The following PELP1 variants were observed in gnomAD, a reference collection of about 807,000 sequenced individuals.
PELP1 encodes the protein proline, glutamate and leucine rich protein 1.
In PELP1, 32 loss-of-function variants were observed where a neutral mutation model predicts 95.5. The observed-to-expected ratio is 0.34, with a 90% CI of 0.25 to 0.45. The LOEUF (loss-of-function observed/expected upper bound fraction) is 0.45. Ranked by LOEUF, PELP1 falls within the 20% of genes least tolerant of loss-of-function variation. The pLI is 1.00. For synonymous variants in PELP1, 668 were observed against 600.1 expected (o/e 1.11, Z -1.65); for missense variants, 1,358 against 1,444.8 (o/e 0.94, Z 0.97).
chr17:4,690,504 T>C (rs1913061787), intron 3 of PELP1, among the ~76,000 whole-genome samples: 2 of 152,110 alleles, frequency 1.3e-5, no homozygotes, highest in South Asian at 4.2e-4. Context: ...GGCGGATCAC[T>C]TGAAGTCAGG....
chr17:4,671,956 G>C lies in PELP1; in HGVS notation c.3035C>G (p.Pro1012Arg), dbSNP rs1340052425. The C allele has an allele frequency of 6.5e-7, 1 of 1,534,506 alleles. No homozygotes were observed. The highest frequency in any genetic ancestry group is 2.3e-5 in the East Asian group (1 of 44,418). ...EPGLLLEVEE[P>R]GTEEERGADT... is the part of the protein sequence containing the mutation. ...AGCCCCACGCTCCTCCTCCGTCCCTGGCTCCTCCACTTCCAAAAGCAGCCC... is the reference window on the plus strand; with the variant it reads ...AGCCCCACGCTCCTCCTCCGTCCCTCGCTCCTCCACTTCCAAAAGCAGCCC... Residue 1012 changes from proline to arginine, a missense_variant, in exon 16 of 17, where the codon CCA becomes CGA. Coordinates refer to ENST00000572293, the MANE Select transcript of PELP1 (RefSeq NM_014389.3).
chr17:4,687,282 C>T (rs1912938347), intron 3 of PELP1, among the ~76,000 whole-genome samples: 1 of 152,176 alleles, frequency 6.6e-6, no homozygotes, highest in Non-Finnish European at 1.5e-5. Flanking sequence ...TGGTGGCTCA[C>T]ACCTGTAATC....
chr17:4,703,869 C>G lies in PELP1; in HGVS notation c.243G>C (p.Gly81=), dbSNP rs776795104. ...CLLRLHGSVG[G]AQNLSALGAL... ...ACGCGGGCCACGGACTCACCTGGGC[C>G]CCGCCCACCGACCCATGCAGCCGCA... is the stretch of plus-strand genomic sequence containing the variant. Residue 81 remains glycine (G), a synonymous_variant, in exon 1 of 17, where the codon GGG becomes GGC. Coordinates refer to ENST00000572293, the MANE Select transcript of PELP1 (RefSeq NM_014389.3). The G allele has an allele frequency of 6.2e-6, 10 of 1,610,514 alleles. No individual in the cohort carries two copies. The African/African-American group carries it at 1.2e-4, about 19-fold the overall frequency.
intron 1 of PELP1, among the ~76,000 whole-genome samples, chr17:4,694,592 G>A (rs4438362): frequency 0.65 from 96,921 of 148,030 alleles, 32,526 homozygotes; most frequent in East Asian, 0.82. Context: ...AACGGGAGGC[G>A]GAGGTCGCAA....
intron 5 of PELP1, among the ~76,000 whole-genome samples, chr17:4,677,378 T>C (rs897138932): frequency 6.6e-6 from 1 of 152,150 alleles, no homozygotes; most frequent in Admixed American, 6.6e-5. Flanking sequence ...TATACAATCA[T>C]AGGGGGCCTG....
intron 13 of PELP1, 134 bp downstream of exon 13, chr17:4,674,376 G>C: frequency 1.3e-6 from 1 of 755,364 alleles, no homozygotes; most frequent in Non-Finnish European, 2.2e-6. Context: ...ACTTATCGCA[G>C]TGGACGAAGG....
intron 1 of PELP1, among the ~76,000 whole-genome samples, chr17:4,695,137 A>G (rs1913247068): frequency 6.6e-6 from 1 of 151,464 alleles, no homozygotes; most frequent in Non-Finnish European, 1.5e-5. Flanking sequence ...CCTGGCCAAC[A>G]TGATGAAAAC....
rs182219815 is a variant in PELP1 at position 4,670,978 on chromosome 17, T to C, written c.*461A>G. ...CTTTTCCTAATTTCCTAAACTTCCA[T>C]AGACTGAGCAATCACTCAGCCTGCC... is the stretch of plus-strand genomic sequence containing the variant. On this transcript the variant is annotated 3_prime_UTR_variant, in exon 17 of 17. Coordinates refer to ENST00000572293, the MANE Select transcript of PELP1 (RefSeq NM_014389.3). The C allele has an allele frequency of 1.5e-3, 260 of 177,902 alleles. 2 individuals carry two copies. The highest frequency in any genetic ancestry group is 2.2e-3 in the Non-Finnish European group (192 of 85,974). 11.0% of individuals were successfully genotyped at this position (177,902 alleles called of 1,614,324 possible).
At position 4,672,416 on chromosome 17, in the gene PELP1, G is replaced by A; in HGVS notation, c.2575C>T (p.Gln859Ter). Residue 859 changes from glutamine to a stop codon, truncating the protein, a stop_gained, in exon 16 of 17, where the codon CAG (glutamine) becomes TAG (stop). Coordinates refer to ENST00000572293, the MANE Select transcript of PELP1 (RefSeq NM_014389.3). LOFTEE classifies it high-confidence loss of function. The stretch of plus-strand genomic sequence containing the variant: ...CCAGGAGTCCCTTCAGGGACCAACT[G>A]GGGTGGAGGGAGCGTCACAGGACCA... ...VPGPVTLPPPQLVPEGTPGGG... is the reference protein window; with the variant it reads ...VPGPVTLPPP 1 of 1,568,016 alleles carries A rather than the reference G, an allele frequency of 6.4e-7. No homozygotes were observed. Among genetic ancestry groups the A allele is most frequent in the Non-Finnish European group, 8.6e-7 (1 of 1,156,260 alleles).
rs1464639094 is a variant in PELP1 at position 4,672,542 on chromosome 17, G to C, written c.2449C>G (p.Pro817Ala). The C allele has an allele frequency of 6.3e-6, 10 of 1,589,158 alleles. No individual in the cohort carries two copies. In the East Asian group the frequency reaches 2.3e-4, roughly 36 times the overall value. Residue 817 changes from proline to alanine, a missense_variant, in exon 16 of 17, where the codon CCA becomes GCA. This residue lies in a region of PELP1 where 340 missense variants were observed against 322.9 expected (regional missense o/e 1.05). Coordinates refer to ENST00000572293, the MANE Select transcript of PELP1 (RefSeq NM_014389.3). ...TPPPIAPTGP[P>A]TASPPVPAKE... ...GCTGGCACAGGAGGGGAGGCTGTTGGTGGCCCAGTGGGGGCTATAGGGGGT... is the reference window on the plus strand; with the variant it reads ...GCTGGCACAGGAGGGGAGGCTGTTGCTGGCCCAGTGGGGGCTATAGGGGGT...
At chr17:4,697,001 C>T (rs778457931) in intron 1 of PELP1, among the ~76,000 whole-genome samples, 3 of 152,026 alleles carry the variant, frequency 2.0e-5, no homozygotes, top group East Asian at 1.9e-4. Context: ...AAATAGGCAC[C>T]GGCTAGACAA....
Position 4,691,178 on chromosome 17 carries a change from G to A in PELP1, c.315-185C>T. 1.4e-5 allele frequency: 9 copies of A among 641,730 alleles called. No individual in the cohort carries two copies. In the South Asian group the frequency reaches 1.8e-4, roughly 13 times the overall value. 39.8% of individuals were successfully genotyped at this position (641,730 alleles called of 1,614,324 possible). A position where few individuals can be genotyped will look rare whatever the true frequency, so the allele number is the denominator to read the frequency against. ...AAAGAAGGGAGCAGAGGTAATCCCAGGGTGGAATAGGACATCTGGGAGCTG... is the reference window on the plus strand; with the variant it reads ...AAAGAAGGGAGCAGAGGTAATCCCAAGGTGGAATAGGACATCTGGGAGCTG... On this transcript the variant is annotated intron_variant, in intron 2 of 16. Coordinates refer to ENST00000572293, the MANE Select transcript of PELP1 (RefSeq NM_014389.3).
intron 3 of PELP1, among the ~76,000 whole-genome samples, chr17:4,684,466 A>G (rs1244477622): frequency 6.6e-6 from 1 of 152,014 alleles, no homozygotes; most frequent in East Asian, 1.9e-4. Context: ...CCACTCCCAA[A>G]CTTCGAAATT....
chr17:4,689,991 A>G (rs1414579230), intron 3 of PELP1, among the ~76,000 whole-genome samples: 1 of 151,944 alleles, frequency 6.6e-6, no homozygotes, highest in African/African-American at 2.4e-5. Flanking sequence ...GCGCCACTGC[A>G]CTCCAGCCTG....
chr17:4,673,447 C>T lies in PELP1; in HGVS notation c.1648G>A (p.Asp550Asn). Reference sequence around the variant, plus strand: ...CCCATGACCAGGGGGAGGACCAGGTCATGCAGTCTCTGAAAAGGACAGAGC... The same window carrying T: ...CCCATGACCAGGGGGAGGACCAGGTTATGCAGTCTCTGAAAAGGACAGAGC... ...IKEETHRRLH[D>N]LVLPLVMGVQ... The change falls in exon 15 of 17, where the codon GAC becomes AAC. Residue 550 changes from aspartate (D) to asparagine (N), a missense_variant. Physicochemically the swap from Asp to Asn is conservative, Grantham distance 23. Around this residue, in one of 7 missense-constraint regions of PELP1, gnomAD observed 538 missense variants for 628.1 expected, o/e 0.86. Coordinates refer to ENST00000572293, the MANE Select transcript of PELP1 (RefSeq NM_014389.3). The surrounding 1 kb of genome is among the most constrained non-coding windows in gnomAD (Gnocchi z 5.7). 1.9e-6 allele frequency: 3 copies of T among 1,590,148 alleles called. No homozygotes were observed. Among genetic ancestry groups the T allele is most frequent in the Non-Finnish European group, 8.6e-7 (1 of 1,168,602 alleles).
At chr17:4,702,254 AC>A (rs1172430815) in intron 1 of PELP1, among the ~76,000 whole-genome samples, 2 of 152,106 alleles carry the variant, frequency 1.3e-5, no homozygotes, top group Non-Finnish European at 2.9e-5. Flanking sequence ...CCCCGTCTCT[AC>A]CAAAAATACA....
intron 1 of PELP1, among the ~76,000 whole-genome samples, chr17:4,694,698 C>T (rs1286661537): frequency 6.7e-6 from 1 of 150,146 alleles, no homozygotes; most frequent in Non-Finnish European, 1.5e-5. Flanking sequence ...ATGGGCCGGG[C>T]GCGGTGGCTT....
chr17:4,681,877 TA>T (rs1443233662), intron 5 of PELP1, among the ~76,000 whole-genome samples: 10 of 151,448 alleles, frequency 6.6e-5, no homozygotes, highest in South Asian at 2.1e-4. Flanking sequence ...TAAAGTAAGA[TA>T]GGGGGCCAGG....
chr17:4,691,215 G>T, intron 2 of PELP1, 163 bp downstream of exon 2: 1 of 660,834 alleles, frequency 1.5e-6, no homozygotes, highest in Non-Finnish European at 2.7e-6. Flanking sequence ...AAAAGGTAGG[G>T]TTCAAATCAA....
Sources: gnomAD v4.1 joint callset for allele counts (sites outside exome capture counted in the v4.1 genomes callset) on GRCh38, gnomAD v4.1.1 for gene constraint, gnomAD v4.1.1 regional missense constraint, Gnocchi (gnomAD v3.1) non-coding constraint, MANE v1.5 for transcripts, NCBI Gene and HGNC (gene_info 2026-07-23, HGNC 2026-07-21) for gene names.